UBE2F: variants seen among roughly 807,000 people sequenced by gnomAD.
UBE2F encodes the protein NEDD8-conjugating enzyme UBE2F.
In UBE2F, 5 loss-of-function variants were observed where a neutral mutation model predicts 29.6. The ratio of observed to expected loss-of-function variants is 0.17; its 90% CI spans 0.09 to 0.36. The LOEUF is 0.36. Ranked by LOEUF, UBE2F falls within the 10% of genes least tolerant of loss-of-function variation. The probability of loss-of-function intolerance (pLI) is 1.00; values close to 1 mark genes in which losing one functional copy is unlikely to be tolerated. For synonymous variants in UBE2F, 66 were observed against 81.8 expected (o/e 0.81, Z 1.04); for missense variants, 141 against 228.5 (o/e 0.62, Z 2.47).
chr2:238,001,195 G>A (rs2063786489), intron 4 of UBE2F, among the ~76,000 whole-genome samples: 2 of 151,614 alleles, frequency 1.3e-5, no homozygotes, highest in Admixed American at 6.6e-5. Context: ...CACCACGCCC[G>A]GCTAATTTTG....
At chr2:237,991,939 C>G (rs2063599715) in intron 3 of UBE2F, among the ~76,000 whole-genome samples, 1 of 151,204 alleles carries the variant, frequency 6.6e-6, no homozygotes, top group African/African-American at 2.4e-5. Context: ...GATCTCAGCT[C>G]TCTGCAACCT....
intron 6 of UBE2F, among the ~76,000 whole-genome samples, chr2:238,028,425 G>C (rs1198990298): frequency 1.3e-5 from 2 of 152,214 alleles, no homozygotes; most frequent in African/African-American, 2.4e-5. Context: ...ACTGAAGGTT[G>C]CATTAAGATC....
At chr2:237,990,724 G>A (rs2106346789) in intron 3 of UBE2F, among the ~76,000 whole-genome samples, 1 of 150,978 alleles carries the variant, frequency 6.6e-6, no homozygotes, top group African/African-American at 2.4e-5. Flanking sequence ...TAGCACCAGT[G>A]CACTCCAACC....
chr2:238,027,087 C>T (rs958199617), intron 6 of UBE2F, among the ~76,000 whole-genome samples: 1 of 152,198 alleles, frequency 6.6e-6, no homozygotes, highest in Non-Finnish European at 1.5e-5. Flanking sequence ...AGGAAGCTCT[C>T]TTGTCCCTTT....
intron 8 of UBE2F, 95 bp from the exon 9 acceptor site, chr2:238,035,783 C>CTAAT: frequency 1.0e-6 from 1 of 987,654 alleles, no homozygotes; most frequent in Middle Eastern, 3.1e-4. Flanking sequence ...CTGCCATTTG[C>CTAAT]TAATTAGACT....
At chr2:238,013,173 G>A (rs898835110) in intron 4 of UBE2F, among the ~76,000 whole-genome samples, 1 of 152,146 alleles carries the variant, frequency 6.6e-6, no homozygotes, top group Admixed American at 6.5e-5. Context: ...GGGTGGTTGA[G>A]GTGGGAGGAT....
chr2:237,970,580 CTG>C (rs2063155464), intron 1 of UBE2F, among the ~76,000 whole-genome samples: 1 of 152,260 alleles, frequency 6.6e-6, no homozygotes, highest in Non-Finnish European at 1.5e-5. Flanking sequence ...AAGTGCAGAG[CTG>C]TCTTTGAAAC....
In UBE2F at chr2:238,032,135, G is replaced by A. The variant is rs1370820638; in HGVS notation, c.412-87G>A. The A allele has an allele frequency of 8.6e-6, 9 of 1,052,190 alleles. 1 individual carries two copies. In the East Asian group the frequency reaches 1.4e-4, roughly 17 times the overall value. The allele number at this position is 1,052,190 out of a possible 1,614,324, so 65.2% of individuals were successfully genotyped here. A position where few individuals can be genotyped will look rare whatever the true frequency, so the allele number is the denominator to read the frequency against. ...CATGCTAAAGACAGGTTTTGATACA[G>A]TGCAAAGCATATTTCTTGATCATGG... On this transcript the variant is annotated intron_variant, in intron 7 of 9. Coordinates refer to ENST00000272930, the MANE Select transcript of UBE2F (RefSeq NM_080678.3).
At chr2:238,026,535 G>A (rs907041492) in intron 6 of UBE2F, among the ~76,000 whole-genome samples, 20 of 152,182 alleles carry the variant, frequency 1.3e-4, no homozygotes, top group African/African-American at 4.6e-4. Context: ...CCAGGTTCAC[G>A]CCATTCTCCT....
At chr2:237,999,087 T>A (rs867663242) in intron 4 of UBE2F, among the ~76,000 whole-genome samples, 4 of 151,734 alleles carry the variant, frequency 2.6e-5, no homozygotes, top group Admixed American at 1.3e-4. Flanking sequence ...TTTATTTATT[T>A]ATTTTTTTTT....
chr2:237,991,609 C>CTTTCTT (rs57180067), intron 3 of UBE2F, among the ~76,000 whole-genome samples: 7 of 53,054 alleles, frequency 1.3e-4, no homozygotes, highest in Non-Finnish European at 2.1e-4. Context: ...TTCTTTCTTT[C>CTTTCTT]TTTTTTTTTT....
intron 1 of UBE2F, among the ~76,000 whole-genome samples, chr2:237,969,183 T>C (rs1473802674): frequency 6.6e-6 from 1 of 152,216 alleles, no homozygotes; most frequent in African/African-American, 2.4e-5. Flanking sequence ...GACTTGAAGA[T>C]AGTAAACCAG....
intron 4 of UBE2F, among the ~76,000 whole-genome samples, chr2:238,013,071 G>A (rs565072889): frequency 1.3e-5 from 2 of 152,136 alleles, no homozygotes; most frequent in South Asian, 2.1e-4. Flanking sequence ...GTGGTCAGGA[G>A]TTTGAGACCA....
rs551633311 is a variant in UBE2F at position 237,987,195 on chromosome 2, T to C, written c.119-768T>C. Among the ~76,000 whole-genome samples, 153 of 152,330 alleles carry C rather than the reference T, an allele frequency of 1.0e-3. 1 individual carries two copies. The highest frequency in any genetic ancestry group is 3.4e-3 in the African/African-American group (142 of 41,586). On this transcript the variant is annotated intron_variant, in intron 2 of 9. Coordinates refer to ENST00000272930, the MANE Select transcript of UBE2F (RefSeq NM_080678.3). ...CATCAATGTTTTACAGTTTTCAGTATACAGATCTTTTATCTCCTTAAATTT... is the reference window on the plus strand; with the variant it reads ...CATCAATGTTTTACAGTTTTCAGTACACAGATCTTTTATCTCCTTAAATTT...
chr2:237,989,199 A>G (rs1417491540), intron 3 of UBE2F, among the ~76,000 whole-genome samples: 1 of 152,138 alleles, frequency 6.6e-6, no homozygotes, highest in Non-Finnish European at 1.5e-5. Context: ...TGAGTGCTAG[A>G]GAGAACTTAG....
intron 2 of UBE2F, among the ~76,000 whole-genome samples, chr2:237,978,373 T>C (rs2063323296): frequency 6.6e-6 from 1 of 152,194 alleles, no homozygotes; most frequent in Admixed American, 6.5e-5. Flanking sequence ...AGGCAGGAGC[T>C]TGTCCCTGGG....
chr2:238,006,452 G>GTTTAT (rs940571083), intron 4 of UBE2F, among the ~76,000 whole-genome samples: 2 of 152,132 alleles, frequency 1.3e-5, no homozygotes, highest in African/African-American at 4.8e-5. Flanking sequence ...CATGAACATG[G>GTTTAT]TTTATATCTC....
At chr2:238,033,555 A>C (rs2064635174) in intron 8 of UBE2F, among the ~76,000 whole-genome samples, 1 of 152,130 alleles carries the variant, frequency 6.6e-6, no homozygotes, top group African/African-American at 2.4e-5. Flanking sequence ...GGACTCAGTT[A>C]AACTAGGGGC....
At chr2:238,035,133 C>G (rs1345865191) in intron 8 of UBE2F, 2 of 152,414 alleles carry the variant, frequency 1.3e-5, no homozygotes, top group South Asian at 4.1e-4. Context: ...CTCTGGTGAT[C>G]CTCCCATCTC....
Sources: allele counts gnomAD v4.1 joint callset (sites outside exome capture counted in the v4.1 genomes callset), GRCh38; gene constraint gnomAD v4.1.1; transcripts MANE v1.5; gene names NCBI Gene and HGNC (gene_info 2026-07-23, HGNC 2026-07-21).